RABGAP1L: variants seen among roughly 807,000 people sequenced by gnomAD.
RABGAP1L encodes RAB GTPase activating protein 1 like, also known as rab GTPase-activating protein 1-like.
Under a neutral mutation model 137.7 loss-of-function variants are expected in RABGAP1L, and 63 were observed. The observed-to-expected ratio is 0.46, with a 90% CI of 0.37 to 0.56. The LOEUF (loss-of-function observed/expected upper bound fraction) is 0.56, where lower values mean the gene tolerates loss of function less well. Among genes scored for constraint, RABGAP1L ranks in the 20% least tolerant of loss-of-function variants. RABGAP1L has a pLI of 0.00. For synonymous variants in RABGAP1L, 431 were observed against 433.7 expected (o/e 0.99, Z 0.08); for missense variants, 1,095 against 1,244.0 (o/e 0.88, Z 1.80).
At chr1:174,316,674 C>T (rs924726404) in intron 11 of RABGAP1L, among the ~76,000 whole-genome samples, 2 of 152,198 alleles carry the variant, frequency 1.3e-5, no homozygotes, top group Admixed American at 6.5e-5. Flanking sequence ...TATGTTCACT[C>T]AGGCTCTGGA....
intron 12 of RABGAP1L, among the ~76,000 whole-genome samples, chr1:174,383,745 G>A (rs1392970392): frequency 3.3e-5 from 5 of 152,236 alleles, no homozygotes; most frequent in East Asian, 3.9e-4. Flanking sequence ...GAAATCACCC[G>A]TCTTCTGCGT....
At chr1:174,740,282 C>G (rs983419247) in intron 17 of RABGAP1L, among the ~76,000 whole-genome samples, 1 of 152,146 alleles carries the variant, frequency 6.6e-6, no homozygotes, top group Non-Finnish European at 1.5e-5. Flanking sequence ...TCTGCTTTCC[C>G]TAGTGTTTAA....
rs182494075 is a variant in RABGAP1L, at chr1:174,988,947, A to G, written c.3003+109A>G. 9,394 of 983,546 alleles carry G rather than the reference A, an allele frequency of 9.6e-3. 72 individuals carry two copies. Among genetic ancestry groups the G allele is most frequent in the Non-Finnish European group, 0.011 (8,133 of 714,356 alleles). The allele number at this position is 983,546 out of a possible 1,614,324, so 60.9% of individuals were successfully genotyped here. A position where few individuals can be genotyped will look rare whatever the true frequency, so the allele number is the denominator to read the frequency against. ...TAGGTCAGAATTGTATGATGAATAC[A>G]TTTTCTGTCTGCTAATGTGTCCTGC... On this transcript the variant is annotated intron_variant, in intron 25 of 25. Coordinates refer to ENST00000681986, the MANE Select transcript of RABGAP1L (RefSeq NM_001366446.1).
At chr1:174,743,652 A>G (rs1394114769) in intron 17 of RABGAP1L, among the ~76,000 whole-genome samples, 1 of 152,120 alleles carries the variant, frequency 6.6e-6, no homozygotes, top group Non-Finnish European at 1.5e-5. Context: ...TTTAAAATAA[A>G]TGAATAAATA....
At chr1:174,732,343 G>T (rs905123451) in intron 17 of RABGAP1L, among the ~76,000 whole-genome samples, 1 of 152,312 alleles carries the variant, frequency 6.6e-6, no homozygotes, top group African/African-American at 2.4e-5. Context: ...TAAAGCCGGA[G>T]CAGATAGTTT....
At chr1:174,581,175 T>C (rs1668720004) in intron 13 of RABGAP1L, among the ~76,000 whole-genome samples, 1 of 152,146 alleles carries the variant, frequency 6.6e-6, no homozygotes, top group African/African-American at 2.4e-5. Context: ...TATAGGTAAA[T>C]AGCCAAGAGA....
intron 3 of RABGAP1L, among the ~76,000 whole-genome samples, chr1:174,228,147 C>T (rs1009855344): frequency 2.6e-5 from 4 of 151,850 alleles, no homozygotes; most frequent in Admixed American, 1.3e-4. Context: ...AATCCTTGAT[C>T]ATATTTATAA....
chr1:174,539,675 C>A (rs1484466809), intron 13 of RABGAP1L, among the ~76,000 whole-genome samples: 1 of 152,176 alleles, frequency 6.6e-6, no homozygotes, highest in East Asian at 1.9e-4. Flanking sequence ...GCCACATTTT[C>A]TTAATCCAGT....
rs192643335 is a variant in RABGAP1L at position 174,814,083 on chromosome 1, G to A, written c.2340+2123G>A. Among the ~76,000 whole-genome samples, 166 of 152,176 alleles carry A rather than the reference G, an allele frequency of 1.1e-3. No individual in the cohort carries two copies. In the East Asian group the frequency reaches 0.012, roughly 11 times the overall value. ...TTTTTTCTCCAATATAATTTATGAA[G>A]TTCCTGGAGGTGGCTAGTTATTATC... On this transcript the variant is annotated intron_variant, in intron 19 of 25. Transcript: ENST00000681986.
chr1:174,981,660 G>A (rs1317694719), intron 23 of RABGAP1L, among the ~76,000 whole-genome samples: 2 of 143,788 alleles, frequency 1.4e-5, no homozygotes, highest in Non-Finnish European at 3.0e-5. Context: ...TGACCTCCTG[G>A]GCTCAAGCGA....
intron 19 of RABGAP1L, among the ~76,000 whole-genome samples, chr1:174,941,309 T>C (rs370648222): frequency 1.3e-5 from 2 of 152,200 alleles, no homozygotes; most frequent in Admixed American, 1.3e-4. Context: ...GAATACATAG[T>C]GTAAGGGTAG....
At chr1:174,552,898 A>G (rs1484982425) in intron 13 of RABGAP1L, among the ~76,000 whole-genome samples, 1 of 152,008 alleles carries the variant, frequency 6.6e-6, no homozygotes, top group East Asian at 1.9e-4. Flanking sequence ...TTATTTTTTG[A>G]CTTTTTAATA....
At chr1:174,900,598 G>A (rs1249678107) in intron 19 of RABGAP1L, among the ~76,000 whole-genome samples, 1 of 152,054 alleles carries the variant, frequency 6.6e-6, no homozygotes, top group Non-Finnish European at 1.5e-5. Flanking sequence ...TGTGGATCGG[G>A]CTTGTGTTCC....
intron 19 of RABGAP1L, among the ~76,000 whole-genome samples, chr1:174,876,810 A>C (rs1388423838): frequency 6.6e-6 from 1 of 152,182 alleles, no homozygotes; most frequent in Non-Finnish European, 1.5e-5. Flanking sequence ...GGGAGTAATG[A>C]TTATTAATTG....
intron 13 of RABGAP1L, among the ~76,000 whole-genome samples, chr1:174,614,333 A>G (rs1671577065): frequency 6.6e-6 from 1 of 152,118 alleles, no homozygotes; most frequent in Non-Finnish European, 1.5e-5. Context: ...GTTTGGCTGG[A>G]TATGAAATTC....
chr1:174,939,547 C>CAAAAAAAA (rs780377420), intron 19 of RABGAP1L, among the ~76,000 whole-genome samples: 1 of 79,202 alleles, frequency 1.3e-5, no homozygotes, highest in African/African-American at 3.1e-5. Flanking sequence ...CTCTGTCTCA[C>CAAAAAAAA]AAAAAAAAAA....
Position 174,305,103 on chromosome 1 carries a change from C to A in RABGAP1L, c.1441C>A (p.Pro481Thr), listed in dbSNP as rs1417438578. 6.5e-7 allele frequency: 1 copy of A among 1,540,450 alleles called. No individual in the cohort carries two copies. The highest frequency in any genetic ancestry group is 2.3e-5 in the Admixed American group (1 of 43,162). ...TPTSGGGPMS[P>T]QDDEAEEESD... ...TACTAGTGGAGGGGGTCCAATGTCA[C>A]CCCAGGATGATGAAGCAGAAGAGGG... is the stretch of plus-strand genomic sequence containing the variant. The change falls in exon 11 of 26, where the codon CCC becomes ACC. Residue 481 changes from proline to threonine, a missense_variant. Physicochemically the swap from Pro to Thr is conservative, Grantham distance 38. This residue lies in a region of RABGAP1L where 315 missense variants were observed against 324.8 expected (regional missense o/e 0.97). Coordinates refer to ENST00000681986, the MANE Select transcript of RABGAP1L (RefSeq NM_001366446.1).
chr1:174,933,010 G>A (rs1558249034), intron 19 of RABGAP1L, among the ~76,000 whole-genome samples: 1 of 152,058 alleles, frequency 6.6e-6, no homozygotes, highest in Non-Finnish European at 1.5e-5. Flanking sequence ...TTTGCTCATT[G>A]TTTCTGGATA....
chr1:174,533,216 A>G (rs1001907597), intron 13 of RABGAP1L, among the ~76,000 whole-genome samples: 4 of 152,364 alleles, frequency 2.6e-5, no homozygotes, highest in East Asian at 1.9e-4. Flanking sequence ...CCTGGGTGAC[A>G]GAGTGAGACT....
Sources: gnomAD v4.1 joint callset for allele counts (sites outside exome capture counted in the v4.1 genomes callset) on GRCh38, gnomAD v4.1.1 for gene constraint, gnomAD v4.1.1 regional missense constraint, MANE v1.5 for transcripts, NCBI Gene and HGNC (gene_info 2026-07-23, HGNC 2026-07-21) for gene names.